Variants in TTL observed in about 807,000 individuals in gnomAD.
TTL encodes the protein tubulin tyrosine ligase, also known as tubulin--tyrosine ligase.
Under a neutral mutation model 41.1 loss-of-function variants are expected in TTL, and 10 were observed. That is an observed-to-expected ratio of 0.24 (90% CI 0.15 to 0.41). The LOEUF is 0.41. TTL is among the 10% of genes least tolerant of loss of function. The probability of loss-of-function intolerance (pLI) is 1.00; values close to 1 mark genes in which losing one functional copy is unlikely to be tolerated. For synonymous variants in TTL, 175 were observed against 175.5 expected, an observed-to-expected ratio of 1.00 and a Z score of 0.02; for missense variants, 367 against 460.4, an observed-to-expected ratio of 0.80 and a Z score of 1.86.
chr2:112,485,770 G>C lies in TTL; in HGVS notation c.158-147G>C, dbSNP rs1053932252. 37 of 717,708 alleles carry C rather than the reference G, an allele frequency of 5.2e-5. 3 individuals carry two copies. In the South Asian group the frequency reaches 6.7e-4, roughly 13 times the overall value. 44.5% of individuals were successfully genotyped at this position (717,708 alleles called of 1,614,324 possible). ...GAATACTGAGAGAAAGAGGGTCCCT[G>C]GGGACAGAGAAACAAAATTGTTCCA... On this transcript the variant is annotated intron_variant, in intron 1 of 6. Transcript: ENST00000233336.
chr2:112,515,087 T>A (rs1682030680), intron 5 of TTL, among the ~76,000 whole-genome samples: 1 of 152,198 alleles, frequency 6.6e-6, no homozygotes, highest in African/African-American at 2.4e-5. Context: ...CTTTTTTTCA[T>A]ATTATAGTTG....
intron 3 of TTL, among the ~76,000 whole-genome samples, chr2:112,498,437 G>A (rs1349925085): frequency 6.6e-6 from 1 of 152,140 alleles, no homozygotes; most frequent in Non-Finnish European, 1.5e-5. Context: ...ATAGTAAAAT[G>A]ATTATGAAGG....
chr2:112,486,691 C>G (rs1681248720), intron 2 of TTL, among the ~76,000 whole-genome samples: 1 of 152,176 alleles, frequency 6.6e-6, no homozygotes, highest in African/African-American at 2.4e-5. Context: ...TGTAAGTGTT[C>G]ACCCCAGCTC....
In TTL at chr2:112,494,098, A is replaced by G. The variant is rs761720291; in HGVS notation, c.237-45A>G. ...AGTGGCCTTTCTGAAGGGAGTGACAAAGTGCACTAAGAAGGGAGGCTGATC... is the reference window on the plus strand; with the variant it reads ...AGTGGCCTTTCTGAAGGGAGTGACAGAGTGCACTAAGAAGGGAGGCTGATC... On this transcript the variant is annotated intron_variant, in intron 2 of 6. Transcript: ENST00000233336. The G allele has an allele frequency of 4.0e-6, 6 of 1,500,476 alleles. 1 individual carries two copies. In the South Asian group the frequency reaches 4.7e-5, roughly 12 times the overall value. 92.9% of individuals were successfully genotyped at this position (1,500,476 alleles called of 1,614,324 possible). A position where few individuals can be genotyped will look rare whatever the true frequency, so the allele number is the denominator to read the frequency against.
At chr2:112,528,607 A>G (rs774763102) in intron 6 of TTL, 74 bp from the exon 7 acceptor site, 1 of 1,342,968 alleles carries the variant, frequency 7.4e-7, no homozygotes, top group Non-Finnish European at 1.1e-6. Flanking sequence ...CTGTCTCAAA[A>G]ACAAAAAACA....
Position 112,538,402 on chromosome 2 carries a change from C to G in TTL, c.*9607C>G, listed in dbSNP as rs1015996024. On this transcript the variant is annotated 3_prime_UTR_variant, in exon 7 of 7. Coordinates refer to ENST00000233336, the MANE Select transcript of TTL (RefSeq NM_153712.5). ...AATACTAGTAAACCAAATCCAGCAA[C>G]ATAGAAAAAGGATTATACATTATGA... 1.3e-5 allele frequency: 2 copies of G among 152,146 alleles called. No individual in the cohort carries two copies. Among genetic ancestry groups the G allele is most frequent in the African/African-American group, 4.8e-5 (2 of 41,422 alleles). The allele number at this position is 152,146 out of a possible 1,614,324, so 9.4% of individuals were successfully genotyped here.
At chr2:112,511,902 A>G (rs1202879002) in intron 5 of TTL, among the ~76,000 whole-genome samples, 1 of 151,896 alleles carries the variant, frequency 6.6e-6, no homozygotes, top group Admixed American at 6.6e-5. Flanking sequence ...TAATTTTTAT[A>G]TAACCAATCT....
chr2:112,528,747 A>C lies in TTL; in HGVS notation c.1086A>C (p.Pro362=). The change falls in exon 7 of 7, where the codon CCA becomes CCC. Residue 362 remains proline, a synonymous_variant. Transcript: ENST00000233336. ...CCATTTCCAGTGTCTTCCCACCCCCAGATGTGGAGCAACCTCAGACCCAGC... is the reference window on the plus strand; with the variant it reads ...CCATTTCCAGTGTCTTCCCACCCCCCGATGTGGAGCAACCTCAGACCCAGC... ...DIAISSVFPP[P]DVEQPQTQPA... is the part of the protein sequence containing the mutation. 1 of 1,614,110 alleles carries C rather than the reference A, an allele frequency of 6.2e-7. No individual in the cohort carries two copies. Among genetic ancestry groups the C allele is most frequent in the Non-Finnish European group, 8.5e-7 (1 of 1,180,002 alleles).
At chr2:112,522,524 C>T (rs1682267821) in intron 6 of TTL, 1 of 152,446 alleles carries the variant, frequency 6.6e-6, no homozygotes, top group African/African-American at 2.4e-5. Context: ...TCTTCTTCAT[C>T]CAGTGCCTCT....
At position 112,536,049 on chromosome 2, in the gene TTL, T is replaced by A. The variant is rs965763271; in HGVS notation, c.*7254T>A. Reference sequence around the variant, plus strand: ...GCTAATTTCACTTCACATAACGATCTTCAGTTCCATCCATGTTGTTGGAAG... The same window carrying A: ...GCTAATTTCACTTCACATAACGATCATCAGTTCCATCCATGTTGTTGGAAG... On this transcript the variant is annotated 3_prime_UTR_variant, in exon 7 of 7. Transcript: ENST00000233336. 1.1e-4 allele frequency: 17 copies of A among 152,186 alleles called. No homozygotes were observed. The highest frequency in any genetic ancestry group is 4.1e-4 in the African/African-American group (17 of 41,440). The allele number at this position is 152,186 out of a possible 1,614,324, so 9.4% of individuals were successfully genotyped here. A position where few individuals can be genotyped will look rare whatever the true frequency, so the allele number is the denominator to read the frequency against.
Position 112,539,331 on chromosome 2 carries a change from A to G in TTL, c.*10536A>G, listed in dbSNP as rs1265581820. 1 of 152,102 alleles carries G rather than the reference A, an allele frequency of 6.6e-6. No individual in the cohort carries two copies. The highest frequency in any genetic ancestry group is 2.4e-5 in the African/African-American group (1 of 41,418). The allele number at this position is 152,102 out of a possible 1,614,324, so 9.4% of individuals were successfully genotyped here. A position where few individuals can be genotyped will look rare whatever the true frequency, so the allele number is the denominator to read the frequency against. ...CCCTGATTCTAAAATAAACGTTGAG[A>G]AGGGGAAAAGAAAGAATGCAAGGTT... On this transcript the variant is annotated 3_prime_UTR_variant, in exon 7 of 7. Coordinates refer to ENST00000233336, the MANE Select transcript of TTL (RefSeq NM_153712.5).
Position 112,488,863 on chromosome 2 carries a change from C to T in TTL, c.236+2868C>T, listed in dbSNP as rs558857007. Among the ~76,000 whole-genome samples, 8 of 152,042 alleles carry T rather than the reference C, an allele frequency of 5.3e-5. No homozygotes were observed. The South Asian group carries it at 6.2e-4, about 12-fold the overall frequency. On this transcript the variant is annotated intron_variant, in intron 2 of 6. Coordinates refer to ENST00000233336, the MANE Select transcript of TTL (RefSeq NM_153712.5). ...CAGCATTTTGGGAGGCCGAGGCGGG[C>T]GGATCACGATGTCAAGAGATTGAGA...
At chr2:112,520,477 T>G (rs773860429) in intron 6 of TTL, 52 bp downstream of exon 6, 1 of 1,602,112 alleles carries the variant, frequency 6.2e-7, no homozygotes, top group African/African-American at 1.3e-5. Context: ...GTTCTGCAGT[T>G]GGGATAGTCT....
chr2:112,537,345 T>C lies in TTL; in HGVS notation c.*8550T>C, dbSNP rs1473589428. ...ATCGACCTGCCTCAGCCTCCCAAAG[T>C]GCTGGGATTACAGGCATGAGCCACC... On this transcript the variant is annotated 3_prime_UTR_variant, in exon 7 of 7. Coordinates refer to ENST00000233336, the MANE Select transcript of TTL (RefSeq NM_153712.5). 6.6e-6 allele frequency: 1 copy of C among 152,372 alleles called. No individual in the cohort carries two copies. Among genetic ancestry groups the C allele is most frequent in the Non-Finnish European group, 1.5e-5 (1 of 68,166 alleles). The allele number at this position is 152,372 out of a possible 1,614,324, so 9.4% of individuals were successfully genotyped here. A position where few individuals can be genotyped will look rare whatever the true frequency, so the allele number is the denominator to read the frequency against.
chr2:112,540,921 T>C lies in TTL; in HGVS notation c.*12126T>C, dbSNP rs1284900213. ...GGTGAAAATCCCCATGATTGAAAAATATCTAGTATTTGATAGCACAACAGG... is the reference window on the plus strand; with the variant it reads ...GGTGAAAATCCCCATGATTGAAAAACATCTAGTATTTGATAGCACAACAGG... On this transcript the variant is annotated 3_prime_UTR_variant, in exon 7 of 7. Transcript: ENST00000233336. 2 of 152,136 alleles carry C rather than the reference T, an allele frequency of 1.3e-5. No homozygotes were observed. The highest frequency in any genetic ancestry group is 4.8e-5 in the African/African-American group (2 of 41,424). The allele number at this position is 152,136 out of a possible 1,614,324, so 9.4% of individuals were successfully genotyped here. A position where few individuals can be genotyped will look rare whatever the true frequency, so the allele number is the denominator to read the frequency against.
At chr2:112,520,625 GC>G in intron 6 of TTL, 200 bp downstream of exon 6, 1 of 558,852 alleles carries the variant, frequency 1.8e-6, no homozygotes, top group Non-Finnish European at 3.0e-6. Context: ...GGCCAGATAG[GC>G]CCAGTGTGGT....
intron 2 of TTL, among the ~76,000 whole-genome samples, chr2:112,486,338 C>T (rs1380322709): frequency 2.0e-5 from 3 of 152,188 alleles, no homozygotes; most frequent in Non-Finnish European, 4.4e-5. Flanking sequence ...TCTTGCCTCT[C>T]CTGACTCCAA....
chr2:112,492,836 A>T (rs1681426519), intron 2 of TTL, among the ~76,000 whole-genome samples: 1 of 152,158 alleles, frequency 6.6e-6, no homozygotes, highest in Non-Finnish European at 1.5e-5. Context: ...GGTTGCAGTG[A>T]GCCAGGATCG....
chr2:112,501,224 C>T lies in TTL; in HGVS notation c.488C>T (p.Ser163Phe). 1 of 1,613,622 alleles carries T rather than the reference C, an allele frequency of 6.2e-7. No homozygotes were observed. The highest frequency in any genetic ancestry group is 8.5e-7 in the Non-Finnish European group (1 of 1,179,746). Residue 163 changes from serine to phenylalanine, a missense_variant, in exon 4 of 7, where the codon TCC becomes TTC. Ser to Phe is a radical substitution (Grantham distance 155). Coordinates refer to ENST00000233336, the MANE Select transcript of TTL (RefSeq NM_153712.5). ...CTGTTAGGTGAAGGCATTCTCATCT[C>T]CTCAGAGGCTTCAGAGCTTCTCGAT... ...AGAKGEGILI[S>F]SEASELLDFI...
Sources: gnomAD v4.1 joint callset for allele counts (sites outside exome capture counted in the v4.1 genomes callset) on GRCh38, gnomAD v4.1.1 for gene constraint, MANE v1.5 for transcripts, NCBI Gene and HGNC (gene_info 2026-07-23, HGNC 2026-07-21) for gene names.